The following PLEKHA5 variants were observed in gnomAD, a reference collection of about 807,000 sequenced individuals.
The protein encoded by PLEKHA5 is pleckstrin homology domain containing A5, also known as pleckstrin homology domain-containing family A member 5.
A neutral mutation model predicts 181.9 loss-of-function variants in PLEKHA5; 55 were observed. The ratio of observed to expected loss-of-function variants is 0.30; its 90% CI spans 0.24 to 0.38. The LOEUF (loss-of-function observed/expected upper bound fraction) is 0.38, where lower values mean the gene tolerates loss of function less well. Among genes scored for constraint, PLEKHA5 ranks in the 10% least tolerant of loss-of-function variants. The pLI is 1.00. For synonymous variants in PLEKHA5, 535 were observed against 529.4 expected, an observed-to-expected ratio of 1.01 and a Z score of -0.15; for missense variants, 1,432 against 1,549.5, an observed-to-expected ratio of 0.92 and a Z score of 1.27.
chr12:19,351,063 G>A (rs1319033357), intron 25 of PLEKHA5, among the ~76,000 whole-genome samples: 1 of 147,422 alleles, frequency 6.8e-6, no homozygotes, highest in African/African-American at 2.5e-5. Context: ...TGCCTGCCAA[G>A]TAGCTGAGAC....
intron 15 of PLEKHA5, among the ~76,000 whole-genome samples, chr12:19,310,134 A>C (rs1270050846): frequency 6.6e-6 from 1 of 152,196 alleles, no homozygotes; most frequent in Non-Finnish European, 1.5e-5. Context: ...AAGGAATTAA[A>C]GTAAGAAGCA....
chr12:19,288,077 CA>C (rs9300127), intron 13 of PLEKHA5: 17,383 of 184,712 alleles, frequency 0.094, 87 homozygotes, highest in African/African-American at 0.12. Context: ...GACTCTGTCT[CA>C]AAAAAAAAAA....
chr12:19,141,197 A>G (rs1011202550), intron 3 of PLEKHA5, among the ~76,000 whole-genome samples: 4 of 152,086 alleles, frequency 2.6e-5, no homozygotes, highest in African/African-American at 2.4e-5. Context: ...CTTCTCTTTA[A>G]CCAGAAAAAA....
chr12:19,293,525 A>G (rs2078996867), intron 15 of PLEKHA5, among the ~76,000 whole-genome samples: 2 of 152,208 alleles, frequency 1.3e-5, no homozygotes. Flanking sequence ...CTACACTGCC[A>G]GAAAGCTGCT....
At chr12:19,360,909 C>T (rs557499617) in intron 28 of PLEKHA5, among the ~76,000 whole-genome samples, 10 of 152,074 alleles carry the variant, frequency 6.6e-5, no homozygotes, top group African/African-American at 2.4e-4. Flanking sequence ...GCATGTGCCA[C>T]CACGCCCAGC....
In PLEKHA5 at chr12:19,314,866, C is replaced by T. The variant is rs1023242324; in HGVS notation, c.2090C>T (p.Ser697Leu). ...ATGGTTCACACAATGATTGAGAACT[C>T]GGCGCTAAGACCCCAACTGTACCAG... ...ITMVHTMIEN[S>L]ALRPQLYQQF... Residue 697 changes from serine to leucine, a missense_variant, in exon 16 of 32, where the codon TCG becomes TTG. By Grantham distance (145) the Ser-to-Leu change is moderately radical. Coordinates refer to ENST00000429027, the MANE Select transcript of PLEKHA5 (RefSeq NM_001256470.2). The T allele has an allele frequency of 7.3e-5, 113 of 1,547,130 alleles. No homozygotes were observed. Among genetic ancestry groups the T allele is most frequent in the Non-Finnish European group, 9.0e-5 (103 of 1,143,110 alleles).
chr12:19,230,660 C>T (rs1023960377), intron 3 of PLEKHA5, among the ~76,000 whole-genome samples: 2 of 152,282 alleles, frequency 1.3e-5, no homozygotes, highest in African/African-American at 2.4e-5. Context: ...GAGTGCGGCC[C>T]GCGGAGCCTG....
chr12:19,254,558 CGCCTGT>C (rs1565525060), intron 4 of PLEKHA5, among the ~76,000 whole-genome samples: 1 of 152,104 alleles, frequency 6.6e-6, no homozygotes, highest in Non-Finnish European at 1.5e-5. Context: ...CAGTGGCTCA[CGCCTGT>C]AATCCTAGCA....
chr12:19,241,844 G>A (rs1215181773), intron 3 of PLEKHA5, among the ~76,000 whole-genome samples: 5 of 151,668 alleles, frequency 3.3e-5, no homozygotes, highest in African/African-American at 7.3e-5. Flanking sequence ...AACCATATGC[G>A]CCTGCACAGT....
chr12:19,292,591 A>G (rs1377846042), intron 15 of PLEKHA5, among the ~76,000 whole-genome samples: 1 of 152,184 alleles, frequency 6.6e-6, no homozygotes, highest in Admixed American at 6.5e-5. Context: ...CATTCCTAGC[A>G]TTACCTCAGT....
At chr12:19,184,248 T>C (rs1284395992) in intron 3 of PLEKHA5, among the ~76,000 whole-genome samples, 2 of 152,222 alleles carry the variant, frequency 1.3e-5, no homozygotes, top group Non-Finnish European at 2.9e-5. Context: ...TAAATTTTGG[T>C]AGCAGTCTTG....
At chr12:19,203,797 G>A (rs1328788311) in intron 3 of PLEKHA5, among the ~76,000 whole-genome samples, 3 of 151,976 alleles carry the variant, frequency 2.0e-5, no homozygotes, top group Admixed American at 6.6e-5. Flanking sequence ...GCAGCGTACC[G>A]TGACTCATAT....
At chr12:19,186,845 A>G (rs200117876) in intron 3 of PLEKHA5, among the ~76,000 whole-genome samples, 2 of 152,204 alleles carry the variant, frequency 1.3e-5, no homozygotes, top group Non-Finnish European at 2.9e-5. Flanking sequence ...TTTGGGCAGA[A>G]TTTATATTTT....
chr12:19,193,546 T>C (rs1026823367), intron 3 of PLEKHA5, among the ~76,000 whole-genome samples: 2 of 152,094 alleles, frequency 1.3e-5, no homozygotes, highest in African/African-American at 4.8e-5. Context: ...ACTACATTGA[T>C]ATATATTGCA....
chr12:19,289,142 C>T (rs1425900110), intron 13 of PLEKHA5, among the ~76,000 whole-genome samples: 1 of 152,148 alleles, frequency 6.6e-6, no homozygotes, highest in Non-Finnish European at 1.5e-5. Context: ...GGCATCAGAG[C>T]AAAAGCAACT....
At chr12:19,337,363 G>A (rs1274225660) in intron 21 of PLEKHA5, among the ~76,000 whole-genome samples, 2 of 151,730 alleles carry the variant, frequency 1.3e-5, no homozygotes. Context: ...GACCAGCCTG[G>A]CCAACATGGC....
intron 3 of PLEKHA5, among the ~76,000 whole-genome samples, chr12:19,190,333 C>T (rs530053988): frequency 1.1e-3 from 174 of 152,244 alleles, no homozygotes; most frequent in African/African-American, 4.0e-3. Context: ...ATAAATATTT[C>T]CTTTTTTGGT....
intron 3 of PLEKHA5, among the ~76,000 whole-genome samples, chr12:19,193,806 A>G (rs566314271): frequency 6.6e-6 from 1 of 152,174 alleles, no homozygotes; most frequent in Non-Finnish European, 1.5e-5. Flanking sequence ...CTGTGCAAGG[A>G]TGGTGCTGGC....
chr12:19,187,917 T>C (rs1305585618), intron 3 of PLEKHA5, among the ~76,000 whole-genome samples: 1 of 152,242 alleles, frequency 6.6e-6, no homozygotes, highest in African/African-American at 2.4e-5. Context: ...TTTCTTCTGA[T>C]AGAGTGCCTA....
Sources: gnomAD v4.1 joint callset for allele counts (sites outside exome capture counted in the v4.1 genomes callset) on GRCh38, gnomAD v4.1.1 for gene constraint, MANE v1.5 for transcripts, NCBI Gene and HGNC (gene_info 2026-07-23, HGNC 2026-07-21) for gene names.